CLVS1: variants seen among roughly 807,000 people sequenced by gnomAD.
CLVS1 encodes clavesin 1.
CLVS1 carries 10 observed loss-of-function variants against 33.1 expected under a neutral mutation model. The observed-to-expected ratio is 0.30, with a 90% CI of 0.19 to 0.51. The LOEUF (loss-of-function observed/expected upper bound fraction) is 0.51, where lower values mean the gene tolerates loss of function less well. Ranked by LOEUF, CLVS1 falls within the 20% of genes least tolerant of loss-of-function variation. The pLI, the probability that CLVS1 is intolerant of heterozygous loss-of-function variation, is 0.97. For missense variants in CLVS1, 343 were observed against 433.4 expected, an observed-to-expected ratio of 0.79 and a Z score of 1.85; for synonymous variants, 163 against 166.1, an observed-to-expected ratio of 0.98 and a Z score of 0.14.
rs374830269 is a variant in CLVS1 at position 61,351,013 on chromosome 8, A to G, written c.456-25592A>G. Among the ~76,000 whole-genome samples, 31 of 152,184 alleles carry G rather than the reference A, an allele frequency of 2.0e-4. No homozygotes were observed. In the South Asian group the frequency reaches 6.0e-3, roughly 30 times the overall value. On this transcript the variant is annotated intron_variant, in intron 2 of 5. Transcript: ENST00000325897. ...GTGGTTGTAACCGTGCTTGGTCAGA[A>G]ACTTGTTTTCCCTTGCAGATCATTT...
chr8:61,067,604 T>C (rs1273643026), intron 1 of CLVS1, among the ~76,000 whole-genome samples: 2 of 152,110 alleles, frequency 1.3e-5, no homozygotes, highest in African/African-American at 4.8e-5. Flanking sequence ...GCACAGAGGC[T>C]CATGCCTTTA....
chr8:61,143,406 C>T (rs930265398), intron 2 of CLVS1, among the ~76,000 whole-genome samples: 7 of 152,184 alleles, frequency 4.6e-5, no homozygotes, highest in Non-Finnish European at 7.3e-5. Context: ...CCTCAAACTG[C>T]TCATTCTGGG....
intron 1 of CLVS1, among the ~76,000 whole-genome samples, chr8:61,075,124 C>G (rs951279965): frequency 1.3e-5 from 2 of 152,178 alleles, no homozygotes; most frequent in Non-Finnish European, 2.9e-5. Context: ...GAAGGACTTT[C>G]CAGCAGCCTC....
intron 5 of CLVS1, among the ~76,000 whole-genome samples, chr8:61,493,547 C>A (rs1379644972): frequency 1.3e-5 from 2 of 152,168 alleles, no homozygotes; most frequent in African/African-American, 4.8e-5. Flanking sequence ...CACCCAAGAT[C>A]ACAAAGCAAG....
chr8:61,041,551 T>C, the CLVS1 span, among the ~76,000 whole-genome samples: 1 of 152,196 alleles, frequency 6.6e-6, no homozygotes, highest in African/African-American at 2.4e-5. Context: ...CCTCCTTGGT[T>C]AGCTGTATTC....
At chr8:60,977,895 A>G in the CLVS1 span, among the ~76,000 whole-genome samples, 1 of 152,236 alleles carries the variant, frequency 6.6e-6, no homozygotes, top group African/African-American at 2.4e-5. Context: ...AGACAAAGAG[A>G]GAACTTTGAA....
intron 1 of CLVS1, among the ~76,000 whole-genome samples, chr8:61,099,484 A>G (rs944378603): frequency 6.6e-6 from 1 of 152,310 alleles, no homozygotes; most frequent in Admixed American, 6.5e-5. Flanking sequence ...TAAGGTGAAT[A>G]AGATGTAATA....
intron 3 of CLVS1, among the ~76,000 whole-genome samples, chr8:61,452,297 G>A (rs1234653615): frequency 1.3e-5 from 2 of 152,182 alleles, no homozygotes; most frequent in Non-Finnish European, 2.9e-5. Context: ...TTCCACTTCA[G>A]TAACCTAGAA....
chr8:61,496,089 C>T (rs2129608802), intron 5 of CLVS1, among the ~76,000 whole-genome samples: 1 of 152,252 alleles, frequency 6.6e-6, no homozygotes, highest in Non-Finnish European at 1.5e-5. Flanking sequence ...CATGGAGGAG[C>T]AGGTTCCTCA....
chr8:61,237,232 A>T (rs986054722), intron 2 of CLVS1, among the ~76,000 whole-genome samples: 1 of 152,200 alleles, frequency 6.6e-6, no homozygotes, highest in Non-Finnish European at 1.5e-5. Flanking sequence ...GGTCACTGTG[A>T]TAGAGTCCAT....
chr8:61,164,907 T>C (rs148490570), intron 2 of CLVS1, among the ~76,000 whole-genome samples: 2,529 of 152,298 alleles, frequency 0.017, 30 homozygotes, highest in African/African-American at 0.024. Context: ...GCCATATTAT[T>C]ACCAGGGGTC....
At chr8:61,453,428 C>T (rs545206609) in intron 3 of CLVS1, among the ~76,000 whole-genome samples, 2 of 152,182 alleles carry the variant, frequency 1.3e-5, no homozygotes, top group Non-Finnish European at 2.9e-5. Flanking sequence ...CTCTTACTTC[C>T]TATTATTTAC....
chr8:61,481,584 A>G (rs1352097333), intron 5 of CLVS1, among the ~76,000 whole-genome samples: 1 of 152,226 alleles, frequency 6.6e-6, no homozygotes, highest in African/African-American at 2.4e-5. Context: ...CCACACCCAC[A>G]GAGCCTCACT....
chr8:61,187,386 C>T (rs1469084401), intron 2 of CLVS1, among the ~76,000 whole-genome samples: 1 of 152,092 alleles, frequency 6.6e-6, no homozygotes, highest in Non-Finnish European at 1.5e-5. Flanking sequence ...TTTCCTTTTA[C>T]CCAACATTTG....
intron 2 of CLVS1, among the ~76,000 whole-genome samples, chr8:61,376,163 A>T (rs1813630473): frequency 6.6e-6 from 1 of 152,232 alleles, no homozygotes; most frequent in South Asian, 2.1e-4. Context: ...ATCAAAATAA[A>T]CACCTCTGAT....
chr8:61,229,837 C>T (rs1328969192), intron 2 of CLVS1, among the ~76,000 whole-genome samples: 3 of 152,154 alleles, frequency 2.0e-5, no homozygotes, highest in Non-Finnish European at 2.9e-5. Context: ...GCCATGGTGA[C>T]CAGGCTCTCA....
intron 2 of CLVS1, among the ~76,000 whole-genome samples, chr8:61,163,885 A>G (rs1806799384): frequency 6.6e-6 from 1 of 152,214 alleles, no homozygotes; most frequent in Admixed American, 6.5e-5. Context: ...GGCGGCAAAC[A>G]GCTGAGCAAA....
chr8:61,343,568 G>A (rs1317028211), intron 2 of CLVS1, among the ~76,000 whole-genome samples: 1 of 152,154 alleles, frequency 6.6e-6, no homozygotes, highest in African/African-American at 2.4e-5. Context: ...GCAAATCTGA[G>A]TAATGAAGAG....
At chr8:60,978,754 G>T in the CLVS1 span, among the ~76,000 whole-genome samples, 1 of 136,834 alleles carries the variant, frequency 7.3e-6, no homozygotes, top group Non-Finnish European at 1.5e-5. Flanking sequence ...GGTGGAGGTT[G>T]CAGTGAGCCC....
Sources: gnomAD v4.1 joint callset for allele counts (sites outside exome capture counted in the v4.1 genomes callset) on GRCh38, gnomAD v4.1.1 for gene constraint, MANE v1.5 for transcripts, NCBI Gene and HGNC (gene_info 2026-07-23, HGNC 2026-07-21) for gene names.